Variants in GREB1L observed in about 807,000 individuals in gnomAD.
GREB1L encodes GREB1-like protein.
GREB1L carries 17 observed loss-of-function variants against 200.8 expected under a neutral mutation model. The observed-to-expected ratio is 0.08, with a 90% CI of 0.06 to 0.13. The LOEUF is 0.13. Ranked by LOEUF, GREB1L falls within the 10% of genes least tolerant of loss-of-function variation. The pLI is 1.00. For missense variants in GREB1L, 1,657 were observed against 2,367.7 expected (o/e 0.70, Z 6.23); for synonymous variants, 789 against 893.0 (o/e 0.88, Z 2.08).
chr18:21,473,789 C>T (rs1420543124), intron 16 of GREB1L, among the ~76,000 whole-genome samples: 1 of 152,068 alleles, frequency 6.6e-6, no homozygotes, highest in African/African-American at 2.4e-5. Flanking sequence ...GGAAAATTTA[C>T]AAAAGAGGTT....
rs750715744 is a variant in GREB1L at position 21,325,543 on chromosome 18, G to A, written c.-119-40484G>A. On this transcript the variant is annotated intron_variant, in intron 1 of 32. Transcript: ENST00000424526. ...ATTATAATAAACTAGGGCCTGTTGC[G>A]GTAGCTCACATACGTAATCCCAGCG... 3.9e-5 allele frequency among the ~76,000 whole-genome samples: 6 copies of A among 151,946 alleles called. No individual in the cohort carries two copies. The South Asian group carries it at 8.3e-4, about 21-fold the overall frequency.
chr18:21,494,092 TG>T (rs2036451217), intron 19 of GREB1L, among the ~76,000 whole-genome samples: 1 of 152,180 alleles, frequency 6.6e-6, no homozygotes, highest in Non-Finnish European at 1.5e-5. Context: ...TTGCTTTAAA[TG>T]AGACAATGTT....
chr18:21,348,352 A>G (rs1487187109), intron 1 of GREB1L, among the ~76,000 whole-genome samples: 2 of 152,042 alleles, frequency 1.3e-5, no homozygotes, highest in African/African-American at 4.8e-5. Flanking sequence ...ACCAGTACCC[A>G]TAGCAGCTGG....
intron 1 of GREB1L, among the ~76,000 whole-genome samples, chr18:21,326,417 GTGT>G (rs2039023622): frequency 6.6e-6 from 1 of 152,160 alleles, no homozygotes; most frequent in Non-Finnish European, 1.5e-5. Flanking sequence ...GTCCAAGATG[GTGT>G]CAGGGACCCA....
intron 5 of GREB1L, among the ~76,000 whole-genome samples, chr18:21,396,753 T>C (rs1369931128): frequency 1.3e-5 from 2 of 152,214 alleles, no homozygotes; most frequent in East Asian, 1.9e-4. Flanking sequence ...CTTTCTGATA[T>C]TAGAGTCTGG....
intron 1 of GREB1L, among the ~76,000 whole-genome samples, chr18:21,360,502 A>G (rs1192434502): frequency 2.6e-5 from 4 of 152,244 alleles, no homozygotes; most frequent in Non-Finnish European, 4.4e-5. Flanking sequence ...CTGGGATTAC[A>G]GGCACGAGCC....
At chr18:21,320,128 C>CTA (rs2038929584) in intron 1 of GREB1L, among the ~76,000 whole-genome samples, 1 of 152,088 alleles carries the variant, frequency 6.6e-6, no homozygotes, top group African/African-American at 2.4e-5. Context: ...CATGAATCTG[C>CTA]TATAAATTGC....
At chr18:21,372,555 C>G (rs2039918885) in intron 2 of GREB1L, among the ~76,000 whole-genome samples, 1 of 152,076 alleles carries the variant, frequency 6.6e-6, no homozygotes, top group Non-Finnish European at 1.5e-5. Context: ...ATGTGTGGCT[C>G]AGAACAATTC....
intron 4 of GREB1L, among the ~76,000 whole-genome samples, chr18:21,386,614 A>C (rs1428002876): frequency 4.3e-5 from 2 of 46,542 alleles, no homozygotes; most frequent in Non-Finnish European, 6.2e-5. Context: ...TTTTTTTTTG[A>C]GTCCTCAGCC....
intron 2 of GREB1L, among the ~76,000 whole-genome samples, chr18:21,373,512 T>C (rs968738181): frequency 6.6e-6 from 1 of 152,128 alleles, no homozygotes; most frequent in African/African-American, 2.4e-5. Flanking sequence ...TTTTGTATTT[T>C]CAGTAGAGAT....
chr18:21,430,464 T>G (rs2033049433), intron 7 of GREB1L, among the ~76,000 whole-genome samples: 1 of 151,948 alleles, frequency 6.6e-6, no homozygotes, highest in Admixed American at 6.6e-5. Context: ...TATTAATTTC[T>G]GTTGCTGTCG....
intron 1 of GREB1L, among the ~76,000 whole-genome samples, chr18:21,278,765 G>A (rs1039272745): frequency 6.6e-6 from 1 of 152,080 alleles, no homozygotes; most frequent in Non-Finnish European, 1.5e-5. Flanking sequence ...ATAAGGAAAA[G>A]ATATGTATGC....
At chr18:21,419,850 A>G (rs1257917558) in intron 7 of GREB1L, among the ~76,000 whole-genome samples, 1 of 152,242 alleles carries the variant, frequency 6.6e-6, no homozygotes, top group Non-Finnish European at 1.5e-5. Context: ...ATTCAAAAAC[A>G]TGAACTTTGA....
chr18:21,487,539 A>G (rs1489602882), intron 18 of GREB1L, among the ~76,000 whole-genome samples: 1 of 152,214 alleles, frequency 6.6e-6, no homozygotes, highest in East Asian at 1.9e-4. Context: ...GATTTATTGA[A>G]CTGAAGGATT....
At position 21,337,246 on chromosome 18, in the gene GREB1L, T is replaced by A. The variant is rs540981602; in HGVS notation, c.-119-28781T>A. On this transcript the variant is annotated intron_variant, in intron 1 of 32. Coordinates refer to ENST00000424526, the MANE Select transcript of GREB1L (RefSeq NM_001142966.3). The stretch of plus-strand genomic sequence containing the variant: ...ATACTGTTGAATCTCAGTGATTTTG[T>A]GAGGTTTTATTTCTGATGAAGCTTT... 1.5e-3 allele frequency among the ~76,000 whole-genome samples: 236 copies of A among 152,304 alleles called. 1 individual carries two copies. Among genetic ancestry groups the A allele is most frequent in the Admixed American group, 6.5e-3 (99 of 15,298 alleles).
chr18:21,285,469 A>G (rs1253850843), intron 1 of GREB1L, among the ~76,000 whole-genome samples: 1 of 152,220 alleles, frequency 6.6e-6, no homozygotes, highest in African/African-American at 2.4e-5. Flanking sequence ...AGAATACAAT[A>G]AATGCAGGTT....
chr18:21,247,991 A>T (rs2037635745), intron 1 of GREB1L, among the ~76,000 whole-genome samples: 1 of 152,218 alleles, frequency 6.6e-6, no homozygotes, highest in Non-Finnish European at 1.5e-5. Flanking sequence ...GCCCACTAAA[A>T]AAGTATTCTC....
chr18:21,480,225 C>T (rs1037739801), intron 17 of GREB1L, among the ~76,000 whole-genome samples: 4 of 152,000 alleles, frequency 2.6e-5, no homozygotes, highest in African/African-American at 9.7e-5. Context: ...GTGGCAGGCA[C>T]CTGTAATCCC....
chr18:21,397,339 C>T (rs1446349721), intron 5 of GREB1L, among the ~76,000 whole-genome samples: 1 of 151,490 alleles, frequency 6.6e-6, no homozygotes, highest in African/African-American at 2.4e-5. Flanking sequence ...AAAAAAAACC[C>T]CGTCTCTACT....
Sources: allele counts gnomAD v4.1 joint callset (sites outside exome capture counted in the v4.1 genomes callset), GRCh38; gene constraint gnomAD v4.1.1; transcripts MANE v1.5; gene names NCBI Gene and HGNC (gene_info 2026-07-23, HGNC 2026-07-21).